Variants in ZNF284 observed in about 807,000 individuals in gnomAD.
ZNF284 encodes the protein zinc finger protein 284.
A neutral mutation model predicts 12.9 loss-of-function variants in ZNF284; 12 were observed. The ratio of observed to expected loss-of-function variants is 0.93; its 90% CI spans 0.60 to 1.51. The LOEUF is 1.51. Among genes scored for constraint, ZNF284 ranks in the 40% most tolerant of loss-of-function variants. The pLI, the probability that ZNF284 is intolerant of heterozygous loss-of-function variation, is 0.00. For synonymous variants in ZNF284, 225 were observed against 236.5 expected, an observed-to-expected ratio of 0.95 and a Z score of 0.45; for missense variants, 667 against 707.3, an observed-to-expected ratio of 0.94 and a Z score of 0.65.
In ZNF284 at chr19:44,086,191, A is replaced by G. The variant is rs1389189441; in HGVS notation, c.713A>G (p.Lys238Arg). Residue 238 changes from lysine (K) to arginine (R), a missense_variant, in exon 5 of 5, where the codon AAA becomes AGA. By Grantham distance (26) the Lys-to-Arg change is conservative. Transcript: ENST00000421176. ...EKPFKCEQCG[K>R]SFSRRSGMYV... ...CCATTCAAATGTGAGCAGTGTGGGA[A>G]AAGTTTCAGCCGTAGATCAGGAATG... 1.2e-6 allele frequency: 2 copies of G among 1,614,196 alleles called. No individual in the cohort carries two copies. The highest frequency in any genetic ancestry group is 1.7e-6 in the Non-Finnish European group (2 of 1,180,014).
rs898298997 is a variant in ZNF284 at position 44,072,177 on chromosome 19, G to A, written c.-183G>A. Reference sequence around the variant, plus strand: ...GGTTGCTGCAGTGCATTCGGTGGTAGTTTGGTGTCAGTCCTGTGTCTTGTC... The same window carrying A: ...GGTTGCTGCAGTGCATTCGGTGGTAATTTGGTGTCAGTCCTGTGTCTTGTC... On this transcript the variant is annotated 5_prime_UTR_variant, in exon 1 of 5. Coordinates refer to ENST00000421176, the MANE Select transcript of ZNF284 (RefSeq NM_001037813.4). The A allele has an allele frequency of 3.9e-5, 6 of 152,510 alleles. No homozygotes were observed. Among genetic ancestry groups the A allele is most frequent in the African/African-American group, 1.4e-4 (6 of 41,460 alleles). The allele number at this position is 152,510 out of a possible 1,614,324, so 9.4% of individuals were successfully genotyped here. A position where few individuals can be genotyped will look rare whatever the true frequency, so the allele number is the denominator to read the frequency against.
In ZNF284 at chr19:44,086,111, A is replaced by AGAG; in HGVS notation, c.633_634insGAG (p.Ala211_Phe212insGlu). On this transcript the variant is annotated inframe_insertion, in exon 5 of 5. Coordinates refer to ENST00000421176, the MANE Select transcript of ZNF284 (RefSeq NM_001037813.4). ...ATAAGTGTGATGTGTGTAGTAAGGC[A>AGAG]TTTAGTCAGAACTCACAACTGCAAA... is the stretch of plus-strand genomic sequence containing the variant. The AGAG allele has an allele frequency of 6.2e-7, 1 of 1,614,242 alleles. No homozygotes were observed. The highest frequency in any genetic ancestry group is 1.1e-5 in the South Asian group (1 of 91,092).
Position 44,087,404 on chromosome 19 carries a change from C to A in ZNF284, c.*144C>A, listed in dbSNP as rs1269148962. The A allele has an allele frequency of 1.3e-5, 8 of 634,828 alleles. No individual in the cohort carries two copies. The highest frequency in any genetic ancestry group is 2.0e-5 in the Non-Finnish European group (8 of 404,368). The allele number at this position is 634,828 out of a possible 1,614,324, so 39.3% of individuals were successfully genotyped here. A position where few individuals can be genotyped will look rare whatever the true frequency, so the allele number is the denominator to read the frequency against. On this transcript the variant is annotated 3_prime_UTR_variant, in exon 5 of 5. Transcript: ENST00000421176. ...ATCATTTCTTTGTGCTTTGAACGTT[C>A]AAAAACTGCTGTTCTAGTTATTTGA...
chr19:44,083,503 G>GAGAGA (rs1568522606), intron 4 of ZNF284, among the ~76,000 whole-genome samples: 8 of 22,414 alleles, frequency 3.6e-4, no homozygotes, highest in African/African-American at 6.8e-4. Flanking sequence ...AGAGAGAGAG[G>GAGAGA]GAATGGAATA....
chr19:44,084,848 A>G, intron 4 of ZNF284, among the ~76,000 whole-genome samples: 1 of 152,108 alleles, frequency 6.6e-6, no homozygotes, highest in Non-Finnish European at 1.5e-5. Context: ...GCTGTGCCAT[A>G]GCTGCTTGAG....
chr19:44,078,609 G>A lies in ZNF284; in HGVS notation c.15+2205G>A, dbSNP rs367597202. ...CCCAAGTAGCTAGGACTACGGGCAC[G>A]CACCACGATGCCTGGCTAGTTTTAA... On this transcript the variant is annotated intron_variant, in intron 2 of 4. Transcript: ENST00000421176. Among the ~76,000 whole-genome samples, 8 of 152,120 alleles carry A rather than the reference G, an allele frequency of 5.3e-5. No individual in the cohort carries two copies. The East Asian group carries it at 1.4e-3, about 26-fold the overall frequency.
rs1223298795 is a variant in ZNF284, at chr19:44,086,272, G to T, written c.794G>T (p.Gly265Val). Residue 265 changes from glycine to valine, a missense_variant, in exon 5 of 5, where the codon GGG (glycine) becomes GTG (valine). Coordinates refer to ENST00000421176, the MANE Select transcript of ZNF284 (RefSeq NM_001037813.4). ...GEKPHICEEC[G>V]KAFIHNSQLR... is the part of the protein sequence containing the mutation. ...AAACCTCATATTTGTGAGGAATGTGGGAAGGCCTTCATTCACAATTCCCAG... is the reference window on the plus strand; with the variant it reads ...AAACCTCATATTTGTGAGGAATGTGTGAAGGCCTTCATTCACAATTCCCAG... The T allele has an allele frequency of 8.7e-6, 14 of 1,614,016 alleles. No homozygotes were observed. Among genetic ancestry groups the T allele is most frequent in the Non-Finnish European group, 1.2e-5 (14 of 1,180,028 alleles).
At position 44,081,014 on chromosome 19, in the gene ZNF284, G is replaced by C. The variant is rs758512196; in HGVS notation, c.16-1G>C. The stretch of plus-strand genomic sequence containing the variant: ...GAGATTGCATACGTTTGTTGTTGTA[G>C]GAGGCAGTGACCTTCAAGGATGTGG... On this transcript the variant is annotated splice_acceptor_variant, in intron 2 of 4. Coordinates refer to ENST00000421176, the MANE Select transcript of ZNF284 (RefSeq NM_001037813.4). LOFTEE classifies it high-confidence loss of function. The C allele has an allele frequency of 1.2e-6, 2 of 1,610,898 alleles. No individual in the cohort carries two copies. The highest frequency in any genetic ancestry group is 2.2e-5 in the East Asian group (1 of 44,774).
intron 2 of ZNF284, among the ~76,000 whole-genome samples, chr19:44,077,203 G>C (rs1967044603): frequency 6.6e-6 from 1 of 152,208 alleles, no homozygotes; most frequent in Admixed American, 6.5e-5. Flanking sequence ...CACGTTGGTT[G>C]TTTTGTAGAT....
chr19:44,080,578 T>C (rs558447654), intron 2 of ZNF284, among the ~76,000 whole-genome samples: 8 of 152,260 alleles, frequency 5.3e-5, no homozygotes, highest in African/African-American at 1.9e-4. Context: ...AGAGTGAGAC[T>C]CTGTCTCAAA....
At chr19:44,074,531 G>A (rs755694631) in intron 1 of ZNF284, among the ~76,000 whole-genome samples, 1 of 152,104 alleles carries the variant, frequency 6.6e-6, no homozygotes, top group Non-Finnish European at 1.5e-5. Flanking sequence ...GATACCACCA[G>A]GAACATACCT....
chr19:44,074,340 C>T lies in ZNF284; in HGVS notation c.-68-1982C>T, dbSNP rs145854105. On this transcript the variant is annotated intron_variant, in intron 1 of 4. Transcript: ENST00000421176. The stretch of plus-strand genomic sequence containing the variant: ...TATACTCCAGCCTGGGCAACAAGAG[C>T]GAAACTGCATCCTCTGCCTCCCGGT... Among the ~76,000 whole-genome samples the T allele has an allele frequency of 2.0e-4, 30 of 151,254 alleles. No individual in the cohort carries two copies. The East Asian group carries it at 5.3e-3, about 26-fold the overall frequency.
At chr19:44,079,538 T>C (rs1046086237) in intron 2 of ZNF284, among the ~76,000 whole-genome samples, 11 of 151,852 alleles carry the variant, frequency 7.2e-5, no homozygotes, top group Admixed American at 6.6e-5. Flanking sequence ...TGCAACCCTG[T>C]CTCTACTAAA....
rs753595973 is a variant in ZNF284, at chr19:44,086,590, A to G, written c.1112A>G (p.Tyr371Cys). The change falls in exon 5 of 5, where the codon TAT becomes TGT. Residue 371 changes from tyrosine (Y) to cysteine (C), a missense_variant. Tyr to Cys is a radical substitution (Grantham distance 194, BLOSUM62 -2). Coordinates refer to ENST00000421176, the MANE Select transcript of ZNF284 (RefSeq NM_001037813.4). Reference sequence around the variant, plus strand: ...ATGGACCATACAGGAGACAAACCATATAATTGTAATGTATGTGGGAAGGGC... The same window carrying G: ...ATGGACCATACAGGAGACAAACCATGTAATTGTAATGTATGTGGGAAGGGC... The part of the protein sequence containing the change: ...HQMDHTGDKP[Y>C]NCNVCGKGFR... 12 of 1,614,246 alleles carry G rather than the reference A, an allele frequency of 7.4e-6. No homozygotes were observed. Among genetic ancestry groups the G allele is most frequent in the Middle Eastern group, 1.6e-4 (1 of 6,062 alleles).
In ZNF284 at chr19:44,086,748, GAAGA is replaced by G; in HGVS notation, c.1272_1275del (p.Glu424AspfsTer47). On this transcript the variant is annotated frameshift_variant, in exon 5 of 5. Coordinates refer to ENST00000421176, the MANE Select transcript of ZNF284 (RefSeq NM_001037813.4). LOFTEE classifies it low-confidence loss of function (END_TRUNC). ...TTCACATCAGAGAGCCTATAGAGAAGAAGAACTGTATAAATGTCAGAAGTGTGGG... is the reference window on the plus strand; with the variant it reads ...TTCACATCAGAGAGCCTATAGAGAAGACTGTATAAATGTCAGAAGTGTGGG... 1.2e-6 allele frequency: 2 copies of G among 1,614,144 alleles called. No homozygotes were observed. The highest frequency in any genetic ancestry group is 1.7e-6 in the Non-Finnish European group (2 of 1,180,008).
chr19:44,072,559 G>A (rs1966962246), intron 1 of ZNF284, among the ~76,000 whole-genome samples: 1 of 152,172 alleles, frequency 6.6e-6, no homozygotes, highest in Non-Finnish European at 1.5e-5. Flanking sequence ...GGGACTTTAG[G>A]ACCATCCTAA....
Position 44,086,510 on chromosome 19 carries a change from A to G in ZNF284, c.1032A>G (p.Lys344=), listed in dbSNP as rs371072430. The G allele has an allele frequency of 6.2e-6, 10 of 1,614,094 alleles. No individual in the cohort carries two copies. The African/African-American group carries it at 1.1e-4, about 17-fold the overall frequency. The part of the protein sequence containing the change: ...CMDHTKEKLY[K]CEECGRSFTC... ...ACCACACAAAAGAGAAACTATACAA[A>G]TGTGAAGAATGTGGAAGGAGCTTCA... The change falls in exon 5 of 5, where the codon AAA becomes AAG. Residue 344 remains lysine (K), a synonymous_variant. Transcript: ENST00000421176.
chr19:44,074,342 A>G (rs1209441496), intron 1 of ZNF284, among the ~76,000 whole-genome samples: 2 of 151,950 alleles, frequency 1.3e-5, no homozygotes, highest in African/African-American at 4.8e-5. Context: ...AACAAGAGCG[A>G]AACTGCATCC....
At chr19:44,072,469 C>T (rs529430099) in intron 1 of ZNF284, among the ~76,000 whole-genome samples, 178 bp downstream of exon 1, 7 of 152,122 alleles carry the variant, frequency 4.6e-5, no homozygotes, top group Non-Finnish European at 5.9e-5. Flanking sequence ...CTCCATCCCA[C>T]CTGTGAGGCT....
Sources: gnomAD v4.1 joint callset for allele counts (sites outside exome capture counted in the v4.1 genomes callset) on GRCh38, gnomAD v4.1.1 for gene constraint, MANE v1.5 for transcripts, NCBI Gene and HGNC (gene_info 2026-07-23, HGNC 2026-07-21) for gene names.